Variants in KMO observed in about 807,000 individuals in gnomAD.
KMO encodes the protein kynurenine 3-hydroxylase.
Under a neutral mutation model 57.8 loss-of-function variants are expected in KMO, and 24 were observed. The observed-to-expected ratio is 0.42, with a 90% CI of 0.30 to 0.58. KMO has a LOEUF of 0.58. KMO is among the 20% of genes least tolerant of loss of function. The pLI is 0.22. For synonymous variants in KMO, 210 were observed against 193.6 expected (o/e 1.08, Z -0.70); for missense variants, 483 against 588.2 (o/e 0.82, Z 1.85).
chr1:241,548,114 G>A (rs962585467), intron 1 of KMO, among the ~76,000 whole-genome samples: 2 of 69,314 alleles, frequency 2.9e-5, no homozygotes, highest in African/African-American at 6.1e-5. Flanking sequence ...CACACAGTGT[G>A]ATTCTAACTA....
chr1:241,581,489 C>A (rs754618915), intron 10 of KMO, among the ~76,000 whole-genome samples: 23 of 151,646 alleles, frequency 1.5e-4, no homozygotes, highest in Non-Finnish European at 2.9e-4. Context: ...TTTTTGTGTA[C>A]CTATCATAGG....
chr1:241,552,181 A>G (rs868794881), intron 4 of KMO, among the ~76,000 whole-genome samples: 1 of 80,606 alleles, frequency 1.2e-5, no homozygotes, highest in Non-Finnish European at 2.7e-5. Flanking sequence ...TGTGTGAGAG[A>G]GAGAGAGAGA....
intron 1 of KMO, among the ~76,000 whole-genome samples, chr1:241,533,969 C>T (rs1660668048): frequency 6.6e-6 from 1 of 152,164 alleles, no homozygotes; most frequent in South Asian, 2.1e-4. Flanking sequence ...TAATGAGCTG[C>T]CCAAGTTCAA....
At chr1:241,585,203 T>G (rs1662922226) in intron 10 of KMO, among the ~76,000 whole-genome samples, 1 of 150,370 alleles carries the variant, frequency 6.7e-6, no homozygotes, top group African/African-American at 2.5e-5. Context: ...CACTCCTGCC[T>G]GGGTGACAGA....
intron 11 of KMO, among the ~76,000 whole-genome samples, chr1:241,588,519 G>C (rs1663110118): frequency 6.6e-6 from 1 of 151,806 alleles, no homozygotes; most frequent in African/African-American, 2.4e-5. Flanking sequence ...AGAGAACAAA[G>C]ATAAAGCAAT....
intron 1 of KMO, among the ~76,000 whole-genome samples, chr1:241,536,236 A>G (rs1660747523): frequency 6.6e-6 from 1 of 152,180 alleles, no homozygotes; most frequent in African/African-American, 2.4e-5. Flanking sequence ...TAGCTTTTCA[A>G]TTCTAGCACA....
chr1:241,585,220 C>A (rs1331417520), intron 10 of KMO, among the ~76,000 whole-genome samples: 1 of 123,758 alleles, frequency 8.1e-6, no homozygotes, highest in East Asian at 2.3e-4. Flanking sequence ...CAGACCGAGA[C>A]TGCATTTCAA....
chr1:241,588,564 T>A (rs1663112000), intron 11 of KMO, among the ~76,000 whole-genome samples, 184 bp from the exon 12 acceptor site: 1 of 151,768 alleles, frequency 6.6e-6, no homozygotes, highest in South Asian at 2.1e-4. Flanking sequence ...TTTTATTTAA[T>A]CACAACAGGA....
chr1:241,560,706 A>C lies in KMO; in HGVS notation c.403A>C (p.Arg135=). Residue 135 remains arginine (R), a synonymous_variant, in exon 6 of 15, where the codon AGG becomes CGG. Coordinates refer to ENST00000366559, the MANE Select transcript of KMO (RefSeq NM_003679.5). ...YPNVKMHFNH[R]LLKCNPEEGM... is the part of the protein sequence containing the mutation. ...CAATGTGAAAATGCACTTTAACCAC[A>C]GGCTGTTGAAATGTAATCCAGAGGA... The C allele has an allele frequency of 6.2e-7, 1 of 1,613,842 alleles. No homozygotes were observed. Among genetic ancestry groups the C allele is most frequent in the Non-Finnish European group, 8.5e-7 (1 of 1,179,730 alleles).
intron 10 of KMO, among the ~76,000 whole-genome samples, chr1:241,581,663 A>G (rs922411321): frequency 6.6e-6 from 1 of 152,118 alleles, no homozygotes; most frequent in African/African-American, 2.4e-5. Flanking sequence ...AAACAACTCT[A>G]CACTTTAACT....
chr1:241,590,474 A>C (rs1013643122), intron 14 of KMO, among the ~76,000 whole-genome samples: 2 of 152,242 alleles, frequency 1.3e-5, no homozygotes, highest in Non-Finnish European at 2.9e-5. Context: ...TGAAGGGAAG[A>C]ATCTCAAGAT....
Position 241,592,374 on chromosome 1 carries a change from G to C in KMO, c.*221G>C. ...GCTTCCCTACATTACACACACTCAG[G>C]TTGAGTCATTCTAACTATAAAAGTG... On this transcript the variant is annotated 3_prime_UTR_variant, in exon 15 of 15. Transcript: ENST00000366559. The C allele has an allele frequency of 1.8e-6, 1 of 545,102 alleles. No individual in the cohort carries two copies. The highest frequency in any genetic ancestry group is 3.3e-6 in the Non-Finnish European group (1 of 304,184). 33.8% of individuals were successfully genotyped at this position (545,102 alleles called of 1,614,324 possible). A position where few individuals can be genotyped will look rare whatever the true frequency, so the allele number is the denominator to read the frequency against.
chr1:241,577,316 T>C (rs1455286334), intron 10 of KMO, among the ~76,000 whole-genome samples: 4 of 151,796 alleles, frequency 2.6e-5, no homozygotes, highest in Admixed American at 2.0e-4. Context: ...TGTTTTGTCA[T>C]ATTACCGGAA....
chr1:241,583,677 A>G (rs1369316796), intron 10 of KMO, among the ~76,000 whole-genome samples: 5 of 152,192 alleles, frequency 3.3e-5, no homozygotes, highest in Non-Finnish European at 7.3e-5. Context: ...CATGTATATA[A>G]TTGTTATACT....
rs754068005 is a variant in KMO, at chr1:241,568,654, TC to T, written c.957+8del. The stretch of plus-strand genomic sequence containing the variant: ...TGGGCAAGGAATGAATGCGGTAAGT[TC>T]TTTTTCCCTAGGTAAGTCCCTCAAA... On this transcript the variant is annotated splice_region_variant and intron_variant, in intron 10 of 14. Coordinates refer to ENST00000366559, the MANE Select transcript of KMO (RefSeq NM_003679.5). 11 of 1,612,570 alleles carry T rather than the reference TC, an allele frequency of 6.8e-6. No individual in the cohort carries two copies. The highest frequency in any genetic ancestry group is 1.7e-5 in the Admixed American group (1 of 59,824).
chr1:241,579,773 C>T (rs765700677), intron 10 of KMO, among the ~76,000 whole-genome samples: 3 of 152,168 alleles, frequency 2.0e-5, no homozygotes, highest in Non-Finnish European at 4.4e-5. Flanking sequence ...TCCCATTCAC[C>T]TCCCAGTTCT....
chr1:241,534,151 G>A (rs1434776819), intron 1 of KMO, among the ~76,000 whole-genome samples: 1 of 152,210 alleles, frequency 6.6e-6, no homozygotes, highest in East Asian at 1.9e-4. Flanking sequence ...AAATTAAGTT[G>A]TGATTTTAAA....
chr1:241,550,743 TTCTAAGA>T (rs1050928550), intron 3 of KMO, among the ~76,000 whole-genome samples: 15 of 152,186 alleles, frequency 9.9e-5, no homozygotes, highest in African/African-American at 3.6e-4. Flanking sequence ...TTTAAGCCGG[TTCTAAGA>T]TCTAAGATTA....
In KMO at chr1:241,537,060, G is replaced by A. The variant is rs146751102; in HGVS notation, c.54+4562G>A. ...CACTTACTCTTCACTCAGCTTCATGGGATGGAAAAAACATTATTCATTGAG... is the reference window on the plus strand; with the variant it reads ...CACTTACTCTTCACTCAGCTTCATGAGATGGAAAAAACATTATTCATTGAG... On this transcript the variant is annotated intron_variant, in intron 1 of 14. Coordinates refer to ENST00000366559, the MANE Select transcript of KMO (RefSeq NM_003679.5). 3.2e-3 allele frequency among the ~76,000 whole-genome samples: 493 copies of A among 152,182 alleles called. 2 individuals carry two copies. The highest frequency in any genetic ancestry group is 0.014 in the Middle Eastern group (4 of 294).
Sources: allele counts gnomAD v4.1 joint callset (sites outside exome capture counted in the v4.1 genomes callset), GRCh38; gene constraint gnomAD v4.1.1; transcripts MANE v1.5; gene names NCBI Gene and HGNC (gene_info 2026-07-23, HGNC 2026-07-21).